RNPEP: variants seen among roughly 807,000 people sequenced by gnomAD.
RNPEP encodes the protein aminopeptidase B.
Under a neutral mutation model 70.1 loss-of-function variants are expected in RNPEP, and 57 were observed. That is an observed-to-expected ratio of 0.81 (90% CI 0.66 to 1.01). The LOEUF (loss-of-function observed/expected upper bound fraction) is 1.01. Among genes scored for constraint, RNPEP ranks in the 50% least tolerant of loss-of-function variants. RNPEP has a pLI of 0.00. For missense variants in RNPEP, 787 were observed against 852.4 expected, an observed-to-expected ratio of 0.92 and a Z score of 0.96; for synonymous variants, 335 against 357.4, an observed-to-expected ratio of 0.94 and a Z score of 0.71.
chr1:201,991,906 ACT>A (rs923091367), intron 3 of RNPEP, among the ~76,000 whole-genome samples: 2 of 152,130 alleles, frequency 1.3e-5, no homozygotes, highest in Admixed American at 1.3e-4. Context: ...CCTTGAAGAT[ACT>A]GACTGCCGTC....
intron 1 of RNPEP, among the ~76,000 whole-genome samples, chr1:201,984,602 C>T (rs1571618823): frequency 7.6e-6 from 1 of 131,800 alleles, no homozygotes; most frequent in Non-Finnish European, 1.7e-5. Flanking sequence ...CAACAGAGTG[C>T]GACCCTGTTT....
Position 201,982,705 on chromosome 1 carries a change from C to G in RNPEP, c.39C>G (p.Ala13=). 3 of 1,398,834 alleles carry G rather than the reference C, an allele frequency of 2.1e-6. No individual in the cohort carries two copies. The highest frequency in any genetic ancestry group is 1.5e-5 in the African/African-American group (1 of 66,192). 86.7% of individuals were successfully genotyped at this position (1,398,834 alleles called of 1,614,324 possible). ...AGCATTCCCCCGGCAGCGGCGCGGC[C>G]CGGCGGCCGCTGCACTCCGCGCAGG... ...SGEHSPGSGA[A]RRPLHSAQAV... Residue 13 remains alanine (A), a synonymous_variant, in exon 1 of 11, where the codon GCC becomes GCG. Transcript: ENST00000295640.
chr1:201,994,692 A>T (rs1475419803), intron 3 of RNPEP, among the ~76,000 whole-genome samples: 8 of 147,072 alleles, frequency 5.4e-5, no homozygotes, highest in Non-Finnish European at 1.5e-5. Context: ...TTTGAAACAG[A>T]GTCTTACTCT....
intron 2 of RNPEP, 137 bp from the exon 3 acceptor site, chr1:201,989,246 T>C: frequency 8.0e-7 from 1 of 1,244,742 alleles, no homozygotes; most frequent in Admixed American, 2.5e-5. Context: ...AGATTTAGTT[T>C]CTTGAAACCT....
rs111477953 is a variant in RNPEP, at chr1:202,003,613, G to C, written c.1651+152G>C. On this transcript the variant is annotated intron_variant, in intron 9 of 10. Coordinates refer to ENST00000295640, the MANE Select transcript of RNPEP (RefSeq NM_020216.4). ...CTCCACAAGGAATGTGCCACCGGGA[G>C]GTTATGGGTTAGGGGACTGCCACGT... 2,564 of 627,532 alleles carry C rather than the reference G, an allele frequency of 4.1e-3. 54 individuals are homozygous for C. The African/African-American group carries it at 0.042, about 10-fold the overall frequency. The allele number at this position is 627,532 out of a possible 1,614,324, so 38.9% of individuals were successfully genotyped here. A position where few individuals can be genotyped will look rare whatever the true frequency, so the allele number is the denominator to read the frequency against.
intron 3 of RNPEP, among the ~76,000 whole-genome samples, chr1:201,995,105 G>GTTTTGT (rs56343000): frequency 1.3e-5 from 2 of 151,202 alleles, no homozygotes; most frequent in African/African-American, 4.9e-5. Flanking sequence ...GGATCTTCTT[G>GTTTTGT]TTTTGTTTTT....
chr1:201,993,022 A>AT (rs1683397040), intron 3 of RNPEP, among the ~76,000 whole-genome samples: 1 of 152,110 alleles, frequency 6.6e-6, no homozygotes, highest in Non-Finnish European at 1.5e-5. Flanking sequence ...ATCCAATCCC[A>AT]TCCCCTCATT....
intron 1 of RNPEP, among the ~76,000 whole-genome samples, chr1:201,988,457 CAA>C (rs142459545): frequency 0.57 from 65,657 of 114,394 alleles, 16,394 homozygotes; most frequent in South Asian, 0.64. Flanking sequence ...TACTCTGTCT[CAA>C]AAAAAAAAAA....
chr1:201,996,046 A>G, intron 3 of RNPEP, 101 bp from the exon 4 acceptor site: 1 of 849,710 alleles, frequency 1.2e-6, no homozygotes, highest in African/African-American at 1.7e-5. Flanking sequence ...GCATTGTCAC[A>G]TTCACTTGGC....
chr1:202,005,112 C>T (rs955452523), intron 10 of RNPEP, among the ~76,000 whole-genome samples: 2 of 152,182 alleles, frequency 1.3e-5, no homozygotes, highest in African/African-American at 2.4e-5. Flanking sequence ...CTTGTGATGT[C>T]GCTGGCTTAT....
intron 1 of RNPEP, chr1:201,983,776 C>G: frequency 9.1e-7 from 1 of 1,099,484 alleles, no homozygotes; most frequent in Non-Finnish European, 1.1e-6. Flanking sequence ...TTTTTCGGGA[C>G]GGGGCAAATA....
rs1203416354 is a variant in RNPEP, at chr1:201,990,950, C to T, written c.737+1419C>T. 2.0e-5 allele frequency among the ~76,000 whole-genome samples: 3 copies of T among 152,266 alleles called. No homozygotes were observed. In the South Asian group the frequency reaches 6.2e-4, roughly 32 times the overall value. ...GAGAGAACAATAGATTCTAAAGATA[C>T]TGAGTGATAATGATTTCTTTTTATA... On this transcript the variant is annotated intron_variant, in intron 3 of 10. Transcript: ENST00000295640.
chr1:201,988,806 A>T lies in RNPEP; in HGVS notation c.448-98A>T, dbSNP rs374631053. 3.5e-6 allele frequency: 5 copies of T among 1,427,580 alleles called. 1 individual carries two copies. In the African/African-American group the frequency reaches 5.7e-5, roughly 16 times the overall value. The allele number at this position is 1,427,580 out of a possible 1,614,324, so 88.4% of individuals were successfully genotyped here. A position where few individuals can be genotyped will look rare whatever the true frequency, so the allele number is the denominator to read the frequency against. ...ACTGGCTGGCGGAAAGGTTTTAAGG[A>T]TTACCTAAAATTCTCTCATTCCAGC... On this transcript the variant is annotated intron_variant, in intron 1 of 10. Transcript: ENST00000295640.
intron 3 of RNPEP, among the ~76,000 whole-genome samples, chr1:201,992,334 C>T (rs536768276): frequency 6.6e-6 from 1 of 152,288 alleles, no homozygotes; most frequent in South Asian, 2.1e-4. Flanking sequence ...CACCAACCTT[C>T]AGGGTTTCTT....
rs200795347 is a variant in RNPEP, at chr1:201,984,821, C to CTTTTTTTTTTTTT, written c.447+1732_447+1744dup. ...TTACTGCTAACTTTTGTATTTCTTT[C>CTTTTTTTTTTTTT]TTTTTTTTTTTTTTTTTTTTTTTTT... On this transcript the variant is annotated intron_variant, in intron 1 of 10. Coordinates refer to ENST00000295640, the MANE Select transcript of RNPEP (RefSeq NM_020216.4). 8.2e-5 allele frequency among the ~76,000 whole-genome samples: 10 copies of CTTTTTTTTTTTTT among 121,994 alleles called. 2 individuals carry two copies. Among genetic ancestry groups the CTTTTTTTTTTTTT allele is most frequent in the Non-Finnish European group, 1.4e-4 (8 of 58,994 alleles). 80.0% of individuals were successfully genotyped at this position (121,994 alleles called of 152,430 possible).
chr1:201,982,963 C>A lies in RNPEP; in HGVS notation c.297C>A (p.Gly99=). The change falls in exon 1 of 11, where the codon GGC becomes GGA. Residue 99 remains glycine (G), a synonymous_variant. Transcript: ENST00000295640. The stretch of plus-strand genomic sequence containing the variant: ...CGGCGCTGCGGCGGGAGCGGCCCGG[C>A]TCGGAGGAGCCGCCTGCGGAGCCCG... The part of the protein sequence containing the change: ...TAAALRRERP[G]SEEPPAEPVS... 6.7e-7 allele frequency: 1 copy of A among 1,502,476 alleles called. No homozygotes were observed. Among genetic ancestry groups the A allele is most frequent in the Non-Finnish European group, 8.9e-7 (1 of 1,128,870 alleles). The allele number at this position is 1,502,476 out of a possible 1,614,324, so 93.1% of individuals were successfully genotyped here. A position where few individuals can be genotyped will look rare whatever the true frequency, so the allele number is the denominator to read the frequency against.
At chr1:201,998,957 T>C (rs1271052464) in intron 5 of RNPEP, among the ~76,000 whole-genome samples, 8 of 152,214 alleles carry the variant, frequency 5.3e-5, no homozygotes, top group Admixed American at 5.2e-4. Context: ...GATCAAGTCA[T>C]TGCCAGGCAT....
chr1:201,999,110 G>A (rs73074438), intron 5 of RNPEP, among the ~76,000 whole-genome samples: 1,798 of 152,140 alleles, frequency 0.012, 36 homozygotes, highest in African/African-American at 0.041. Context: ...CCAGCTACTT[G>A]GTAAGCTGAG....
At chr1:201,999,793 G>A (rs891388096) in intron 5 of RNPEP, 109 bp from the exon 6 acceptor site, 10 of 783,922 alleles carry the variant, frequency 1.3e-5, no homozygotes, top group Non-Finnish European at 1.5e-5. Flanking sequence ...GGTATCTGTC[G>A]CTGTTCTTCT....
Sources: allele counts gnomAD v4.1 joint callset (sites outside exome capture counted in the v4.1 genomes callset), GRCh38; gene constraint gnomAD v4.1.1; transcripts MANE v1.5; gene names NCBI Gene and HGNC (gene_info 2026-07-23, HGNC 2026-07-21).